Variants in CCDC7 observed in about 807,000 individuals in gnomAD.
The protein encoded by CCDC7 is coiled-coil domain-containing protein 7.
A neutral mutation model predicts 196.9 loss-of-function variants in CCDC7; 183 were observed. The ratio of observed to expected loss-of-function variants is 0.93; its 90% CI spans 0.82 to 1.05. The LOEUF (loss-of-function observed/expected upper bound fraction) is 1.05, where lower values mean the gene tolerates loss of function less well. Among genes scored for constraint, CCDC7 ranks in the 50% least tolerant of loss-of-function variants. The probability of loss-of-function intolerance (pLI) is 0.00; values close to 1 mark genes in which losing one functional copy is unlikely to be tolerated. For missense variants in CCDC7, 1,540 were observed against 1,482.2 expected (o/e 1.04, Z -0.64); for synonymous variants, 525 against 484.6 (o/e 1.08, Z -1.10).
chr10:32,640,474 T>A (rs1323998111), intron 20 of CCDC7, among the ~76,000 whole-genome samples: 1 of 152,222 alleles, frequency 6.6e-6, no homozygotes, highest in African/African-American at 2.4e-5. Context: ...TTTGCCAGTC[T>A]GTGTCTTTTA....
intron 18 of CCDC7, among the ~76,000 whole-genome samples, chr10:32,592,443 C>G (rs1463215922): frequency 6.6e-6 from 1 of 151,720 alleles, no homozygotes; most frequent in African/African-American, 2.4e-5. Context: ...TTGAGATTTT[C>G]TTTTTAATGT....
chr10:32,595,753 C>G (rs930020634), intron 18 of CCDC7, among the ~76,000 whole-genome samples: 1 of 152,170 alleles, frequency 6.6e-6, no homozygotes, highest in African/African-American at 2.4e-5. Flanking sequence ...TCTTTGTTCT[C>G]ATTGGTTTTA....
At chr10:32,845,734 C>T in intron 35 of CCDC7, 108 bp downstream of exon 36, 1 of 1,154,234 alleles carries the variant, frequency 8.7e-7, no homozygotes, top group South Asian at 1.4e-5. Flanking sequence ...TGGTATTACA[C>T]AGGTAAAATT....
At chr10:32,749,006 G>A (rs1239979562) in intron 28 of CCDC7, among the ~76,000 whole-genome samples, 3 of 152,112 alleles carry the variant, frequency 2.0e-5, no homozygotes, top group Non-Finnish European at 4.4e-5. Context: ...GAGCCTCCTT[G>A]GTGGTTTTAT....
intron 29 of CCDC7, 42 bp from the exon 31 acceptor site, chr10:32,804,973 G>T: frequency 7.9e-7 from 1 of 1,267,510 alleles, no homozygotes; most frequent in African/African-American, 1.5e-5. Context: ...CCTATGTAAG[G>T]ATTACCTCGC....
intron 32 of CCDC7, among the ~76,000 whole-genome samples, chr10:32,825,443 C>G (rs2090971831): frequency 6.6e-6 from 1 of 152,140 alleles, no homozygotes; most frequent in South Asian, 2.1e-4. Context: ...CCTAGCCTCC[C>G]AGCCTACATC....
chr10:32,479,873 G>A (rs1459242007), intron 8 of CCDC7, among the ~76,000 whole-genome samples: 1 of 150,114 alleles, frequency 6.7e-6, no homozygotes. Context: ...TTATCACTGA[G>A]TCAGTCTTCT....
intron 18 of CCDC7, among the ~76,000 whole-genome samples, chr10:32,628,873 T>C (rs1459832861): frequency 6.6e-6 from 1 of 152,178 alleles, no homozygotes; most frequent in East Asian, 1.9e-4. Context: ...ATATTTGATA[T>C]GATTTCAATC....
intron 28 of CCDC7, among the ~76,000 whole-genome samples, chr10:32,777,267 T>C (rs973251047): frequency 2.0e-5 from 3 of 152,232 alleles, no homozygotes; most frequent in Non-Finnish European, 2.9e-5. Context: ...ACATTTTCTA[T>C]ATCCAGTTCA....
At chr10:32,752,326 CT>C (rs961071446) in intron 28 of CCDC7, among the ~76,000 whole-genome samples, 100 of 152,232 alleles carry the variant, frequency 6.6e-4, no homozygotes, top group African/African-American at 2.3e-3. Context: ...TCATCCTATT[CT>C]GGAAAATCAT....
intron 9 of CCDC7, among the ~76,000 whole-genome samples, chr10:32,498,688 T>C (rs1453888741): frequency 1.3e-5 from 2 of 152,184 alleles, no homozygotes; most frequent in Non-Finnish European, 2.9e-5. Context: ...AATTCTTTTC[T>C]TTAAGAATGT....
At chr10:32,657,386 G>A (rs533824901) in intron 20 of CCDC7, among the ~76,000 whole-genome samples, 7 of 152,324 alleles carry the variant, frequency 4.6e-5, no homozygotes, top group East Asian at 3.9e-4. Context: ...AGACATTTCC[G>A]TACATCCTCT....
intron 16 of CCDC7, chr10:32,574,298 A>T: frequency 3.9e-6 from 2 of 509,060 alleles, no homozygotes; most frequent in Non-Finnish European, 5.4e-6. Context: ...GCTTTAGGTT[A>T]ATTATTATAT....
At chr10:32,657,669 G>C (rs879587423) in intron 20 of CCDC7, among the ~76,000 whole-genome samples, 10 of 152,212 alleles carry the variant, frequency 6.6e-5, no homozygotes, top group Non-Finnish European at 1.5e-4. Flanking sequence ...AGGGGCTGCT[G>C]TGAAGGTCTC....
At chr10:32,497,337 A>C (rs1262011030) in intron 9 of CCDC7, among the ~76,000 whole-genome samples, 2 of 152,128 alleles carry the variant, frequency 1.3e-5, no homozygotes, top group African/African-American at 2.4e-5. Flanking sequence ...CTTTTCAAAA[A>C]ACCAGCTCCT....
intron 18 of CCDC7, among the ~76,000 whole-genome samples, chr10:32,633,570 C>G (rs1206517378): frequency 1.3e-5 from 2 of 151,932 alleles, no homozygotes; most frequent in African/African-American, 4.8e-5. Context: ...GAATATTTGT[C>G]AAATTTTTAT....
At chr10:32,535,978 T>C (rs2135987016) in intron 11 of CCDC7, among the ~76,000 whole-genome samples, 1 of 152,308 alleles carries the variant, frequency 6.6e-6, no homozygotes, top group African/African-American at 2.4e-5. Context: ...AAAATGCATC[T>C]ATTTAGATTT....
chr10:32,868,514 A>G (rs2094294972), intron 41 of CCDC7, among the ~76,000 whole-genome samples: 1 of 152,038 alleles, frequency 6.6e-6, no homozygotes, highest in Non-Finnish European at 1.5e-5. Context: ...CCAGACAAGA[A>G]GTTGTAGTGT....
chr10:32,504,939 C>T (rs1037886474), intron 9 of CCDC7, among the ~76,000 whole-genome samples: 1 of 152,142 alleles, frequency 6.6e-6, no homozygotes, highest in Non-Finnish European at 1.5e-5. Context: ...AAGTATCGTT[C>T]AAGTCCGATG....
Sources: gnomAD v4.1 joint callset for allele counts (sites outside exome capture counted in the v4.1 genomes callset) on GRCh38, gnomAD v4.1.1 for gene constraint, MANE v1.5 for transcripts, NCBI Gene and HGNC (gene_info 2026-07-23, HGNC 2026-07-21) for gene names.